Variants in GLDC observed in about 807,000 individuals in gnomAD.
GLDC encodes the protein glycine dehydrogenase (decarboxylating), mitochondrial.
In GLDC, 104 loss-of-function variants were observed where a neutral mutation model predicts 121.3. The ratio of observed to expected loss-of-function variants is 0.86; its 90% CI spans 0.73 to 1.01. The LOEUF (loss-of-function observed/expected upper bound fraction) is 1.01, where lower values mean the gene tolerates loss of function less well. GLDC is among the 50% of genes least tolerant of loss of function. The probability of loss-of-function intolerance (pLI) is 0.00; values close to 1 mark genes in which losing one functional copy is unlikely to be tolerated. For missense variants in GLDC, 1,429 were observed against 1,306.6 expected, an observed-to-expected ratio of 1.09 and a Z score of -1.44; for synonymous variants, 546 against 480.6, an observed-to-expected ratio of 1.14 and a Z score of -1.78.
intron 15 of GLDC, among the ~76,000 whole-genome samples, chr9:6,570,823 C>T (rs921498335): frequency 1.5e-4 from 20 of 135,216 alleles, no homozygotes; most frequent in Non-Finnish European, 6.1e-5. Flanking sequence ...CACTGCACTC[C>T]AGCCTGCGCA....
At chr9:6,629,399 G>C (rs745310549) in intron 2 of GLDC, among the ~76,000 whole-genome samples, 3 of 151,890 alleles carry the variant, frequency 2.0e-5, no homozygotes, top group Non-Finnish European at 4.4e-5. Flanking sequence ...ATTTTTGGTG[G>C]AGACAGGGTT....
In GLDC at chr9:6,532,781, C is replaced by A. The variant is rs537707294; in HGVS notation, c.*236G>T. On this transcript the variant is annotated 3_prime_UTR_variant, in exon 25 of 25. Transcript: ENST00000321612. ...TCTACGCAAAACACAAAATGGCTCC[C>A]AATCCAGGCAACTGGCACATGTGGA... is the stretch of plus-strand genomic sequence containing the variant. 1.0e-3 allele frequency: 544 copies of A among 523,936 alleles called. 6 individuals are homozygous for A. In the Admixed American group the frequency reaches 0.011, roughly 11 times the overall value. 32.5% of individuals were successfully genotyped at this position (523,936 alleles called of 1,614,324 possible).
chr9:6,583,461 G>A (rs1201188007), intron 15 of GLDC, among the ~76,000 whole-genome samples: 1 of 152,102 alleles, frequency 6.6e-6, no homozygotes, highest in Non-Finnish European at 1.5e-5. Flanking sequence ...GATCACTTCA[G>A]GTCAGGAGTT....
intron 2 of GLDC, among the ~76,000 whole-genome samples, chr9:6,626,721 G>C (rs1819246692): frequency 6.6e-6 from 1 of 152,134 alleles, no homozygotes; most frequent in Non-Finnish European, 1.5e-5. Flanking sequence ...CTCCGCACAG[G>C]TGTCCAGGAG....
rs372470287 is a variant in GLDC, at chr9:6,556,318, G to T, written c.2053-16C>A. ...GCTTATCCACCTGTGAAAGAAAAGG[G>T]GTAGAGAAGGACATGGAGGGAGGAT... On this transcript the variant is annotated splice_polypyrimidine_tract_variant and intron_variant, in intron 17 of 24. Coordinates refer to ENST00000321612, the MANE Select transcript of GLDC (RefSeq NM_000170.3). 1 of 1,609,334 alleles carries T rather than the reference G, an allele frequency of 6.2e-7. No individual in the cohort carries two copies.
intron 16 of GLDC, among the ~76,000 whole-genome samples, chr9:6,563,325 T>C (rs1817793918): frequency 6.6e-6 from 1 of 152,248 alleles, no homozygotes; most frequent in East Asian, 1.9e-4. Flanking sequence ...ATCTGGATTT[T>C]AGCTGGCCCT....
At chr9:6,605,458 G>A (rs192351574) in intron 5 of GLDC, 180 bp from the exon 6 acceptor site, 7 of 659,328 alleles carry the variant, frequency 1.1e-5, no homozygotes, top group Middle Eastern at 3.8e-4. Flanking sequence ...CAACTCAAGC[G>A]CATCCAACAG....
intron 2 of GLDC, among the ~76,000 whole-genome samples, chr9:6,626,058 C>G (rs1194175085): frequency 6.6e-6 from 1 of 151,986 alleles, no homozygotes; most frequent in Admixed American, 6.6e-5. Context: ...AAAATCTATG[C>G]TCTCGCCCCA....
At position 6,622,771 on chromosome 9, in the gene GLDC, G is replaced by A. The variant is rs567610209; in HGVS notation, c.335-2452C>T. The A allele has an allele frequency of 1.0e-3, 226 of 220,960 alleles. 1 individual carries two copies. The highest frequency in any genetic ancestry group is 3.7e-3 in the Middle Eastern group (2 of 538). The allele number at this position is 220,960 out of a possible 1,614,324, so 13.7% of individuals were successfully genotyped here. A position where few individuals can be genotyped will look rare whatever the true frequency, so the allele number is the denominator to read the frequency against. On this transcript the variant is annotated intron_variant, in intron 2 of 24. Transcript: ENST00000321612. ...TGGAAAGTGAGGAGCGTCTCTGCCC[G>A]GCCGCCATCCCACCTAGGAAGTGAG...
At position 6,551,294 on chromosome 9, in the gene GLDC, G is replaced by C. The variant is rs117277111; in HGVS notation, c.2458-380C>G. On this transcript the variant is annotated intron_variant, in intron 20 of 24. Coordinates refer to ENST00000321612, the MANE Select transcript of GLDC (RefSeq NM_000170.3). ...AGGTCTTGATAATTGCCAGGAATCC[G>C]ATGGGATCTGGGCCAATATCTCCAC... Among the ~76,000 whole-genome samples the C allele has an allele frequency of 7.6e-3, 1,158 of 152,238 alleles. 39 individuals carry two copies. The East Asian group carries it at 0.11, about 14-fold the overall frequency.
At chr9:6,613,783 T>A (rs1019809056) in intron 3 of GLDC, among the ~76,000 whole-genome samples, 2 of 152,174 alleles carry the variant, frequency 1.3e-5, no homozygotes, top group African/African-American at 4.8e-5. Flanking sequence ...TTTTGGGGTT[T>A]TTATTTTTTT....
intron 21 of GLDC, among the ~76,000 whole-genome samples, chr9:6,543,072 T>C (rs534929845): frequency 5.9e-5 from 9 of 151,658 alleles, no homozygotes; most frequent in African/African-American, 2.2e-4. Context: ...AGCTTGGGAG[T>C]TGGAGACCAG....
At chr9:6,644,397 C>T in intron 2 of GLDC, 1 of 605,120 alleles carries the variant, frequency 1.7e-6, no homozygotes, top group Non-Finnish European at 2.9e-6. Context: ...GACCAAGAAC[C>T]GCACAACACC....
chr9:6,615,800 G>C (rs774520578), intron 3 of GLDC, among the ~76,000 whole-genome samples: 1 of 152,096 alleles, frequency 6.6e-6, no homozygotes, highest in Non-Finnish European at 1.5e-5. Context: ...TTTTTGTAGA[G>C]ATAGGGTTTT....
chr9:6,637,002 T>A (rs1055309510), intron 2 of GLDC, among the ~76,000 whole-genome samples: 8 of 151,996 alleles, frequency 5.3e-5, no homozygotes, highest in African/African-American at 1.9e-4. Flanking sequence ...AAGAATTGCT[T>A]GAACCCAGGA....
intron 11 of GLDC, among the ~76,000 whole-genome samples, chr9:6,590,358 C>A (rs547254837): frequency 6.6e-6 from 1 of 152,202 alleles, no homozygotes; most frequent in South Asian, 2.1e-4. Context: ...ATGACTAATA[C>A]AGATTTAATA....
intron 23 of GLDC, 142 bp from the exon 24 acceptor site, chr9:6,534,930 T>C (rs1431763799): frequency 3.0e-6 from 2 of 674,328 alleles, no homozygotes; most frequent in Admixed American, 2.1e-5. Context: ...GGGTACAATG[T>C]GATTTATAAT....
At chr9:6,629,698 A>G (rs1305270817) in intron 2 of GLDC, among the ~76,000 whole-genome samples, 1 of 151,778 alleles carries the variant, frequency 6.6e-6, no homozygotes, top group African/African-American at 2.4e-5. Flanking sequence ...GGCCTCAATT[A>G]TAAGGGAAAA....
chr9:6,544,586 C>G (rs1408076292), intron 21 of GLDC, among the ~76,000 whole-genome samples: 1 of 147,208 alleles, frequency 6.8e-6, no homozygotes, highest in Non-Finnish European at 1.5e-5. Context: ...TTGCAGTGAG[C>G]CGAGATTGCA....
Sources: gnomAD v4.1 joint callset for allele counts (sites outside exome capture counted in the v4.1 genomes callset) on GRCh38, gnomAD v4.1.1 for gene constraint, MANE v1.5 for transcripts, NCBI Gene and HGNC (gene_info 2026-07-23, HGNC 2026-07-21) for gene names.